Variants in LRRC1 observed in about 807,000 individuals in gnomAD.
LRRC1 encodes leucine rich repeat containing 1, also known as leucine-rich repeat-containing protein 1.
In LRRC1, 28 loss-of-function variants were observed where a neutral mutation model predicts 69.9. That is an observed-to-expected ratio of 0.40 (90% CI 0.30 to 0.55). The LOEUF (loss-of-function observed/expected upper bound fraction) is 0.55. LRRC1 is among the 20% of genes least tolerant of loss of function. The pLI is 0.47. For synonymous variants in LRRC1, 236 were observed against 240.2 expected (o/e 0.98, Z 0.16); for missense variants, 498 against 609.0 (o/e 0.82, Z 1.92).
intron 1 of LRRC1, among the ~76,000 whole-genome samples, chr6:53,833,016 T>C (rs1344668028): frequency 6.6e-6 from 1 of 152,208 alleles, no homozygotes; most frequent in Admixed American, 6.5e-5. Context: ...CTGTGTTTAA[T>C]CATTCCCCTA....
chr6:53,844,126 C>T lies in LRRC1; in HGVS notation c.277+1899C>T, dbSNP rs565614449. ...GGTGGGCATCTGGGGTCTGGCCAGG[C>T]CAGAATTGCCTCAGAAACTAGCCTG... On this transcript the variant is annotated intron_variant, in intron 2 of 13. Coordinates refer to ENST00000370888, the MANE Select transcript of LRRC1 (RefSeq NM_018214.5). Among the ~76,000 whole-genome samples, 6 of 152,160 alleles carry T rather than the reference C, an allele frequency of 3.9e-5. No homozygotes were observed. In the South Asian group the frequency reaches 1.2e-3, roughly 32 times the overall value.
intron 1 of LRRC1, among the ~76,000 whole-genome samples, chr6:53,837,743 G>A (rs908095829): frequency 6.6e-6 from 1 of 152,072 alleles, no homozygotes; most frequent in African/African-American, 2.4e-5. Flanking sequence ...TTTCTAAAAA[G>A]CAGAAGGGAG....
rs187327132 is a variant in LRRC1 at position 53,849,049 on chromosome 6, G to A, written c.277+6822G>A. On this transcript the variant is annotated intron_variant, in intron 2 of 13. Coordinates refer to ENST00000370888, the MANE Select transcript of LRRC1 (RefSeq NM_018214.5). ...TGGGATTACAGGCGTGAGCCACTGC[G>A]CCCGGCCTATGCTTTTTTTTTTTTT... Among the ~76,000 whole-genome samples the A allele has an allele frequency of 4.5e-3, 646 of 144,682 alleles. 6 individuals are homozygous for A. The highest frequency in any genetic ancestry group is 0.015 in the African/African-American group (602 of 39,274). 94.9% of individuals were successfully genotyped at this position (144,682 alleles called of 152,430 possible).
At chr6:53,901,495 G>A (rs9357775) in intron 8 of LRRC1, among the ~76,000 whole-genome samples, 87,519 of 151,600 alleles carry the variant, frequency 0.58, 26,430 homozygotes, top group East Asian at 0.94. Context: ...GCGGTGAGCC[G>A]TGATTGTACC....
At chr6:53,823,034 C>T (rs1484892816) in intron 1 of LRRC1, among the ~76,000 whole-genome samples, 4 of 152,190 alleles carry the variant, frequency 2.6e-5, no homozygotes, top group Non-Finnish European at 5.9e-5. Flanking sequence ...CATCTCCCAA[C>T]TTTAAGCTAT....
intron 2 of LRRC1, among the ~76,000 whole-genome samples, chr6:53,859,969 T>A (rs1554183193): frequency 6.6e-6 from 1 of 152,124 alleles, no homozygotes; most frequent in Non-Finnish European, 1.5e-5. Context: ...AAGAGAAAAC[T>A]GGTGACTGGT....
chr6:53,835,004 G>A (rs1183501526), intron 1 of LRRC1, among the ~76,000 whole-genome samples: 1 of 152,112 alleles, frequency 6.6e-6, no homozygotes, highest in Non-Finnish European at 1.5e-5. Context: ...AAGTATCTGT[G>A]TATCCCCAGC....
At chr6:53,834,620 T>C (rs1765556679) in intron 1 of LRRC1, among the ~76,000 whole-genome samples, 1 of 152,224 alleles carries the variant, frequency 6.6e-6, no homozygotes, top group Non-Finnish European at 1.5e-5. Context: ...CCAGTAAAGT[T>C]GCTGGTCTTC....
chr6:53,881,058 G>A (rs866198121), intron 3 of LRRC1, among the ~76,000 whole-genome samples: 15 of 152,132 alleles, frequency 9.9e-5, no homozygotes, highest in Non-Finnish European at 2.2e-4. Flanking sequence ...GCTTGTGTGA[G>A]GCTTTACTGT....
Position 53,900,002 on chromosome 6 carries a change from C to T in LRRC1, c.787+111C>T, listed in dbSNP as rs868433967. The T allele has an allele frequency of 4.8e-5, 33 of 692,344 alleles. 1 individual carries two copies. In the Middle Eastern group the frequency reaches 9.5e-3, roughly 198 times the overall value. 42.9% of individuals were successfully genotyped at this position (692,344 alleles called of 1,614,324 possible). On this transcript the variant is annotated intron_variant, in intron 8 of 13. Transcript: ENST00000370888. ...ACTTTCAGATGCTGAGGATGTGGCT[C>T]CTTAAAGTCTCCTTACTGTTTTTTT...
intron 9 of LRRC1, among the ~76,000 whole-genome samples, chr6:53,903,659 G>T (rs1768139026): frequency 6.6e-6 from 1 of 152,092 alleles, no homozygotes; most frequent in Non-Finnish European, 1.5e-5. Context: ...GGGACAGCAA[G>T]AAAGGATGGA....
chr6:53,866,562 C>T lies in LRRC1; in HGVS notation c.278-12431C>T, dbSNP rs139182132. On this transcript the variant is annotated intron_variant, in intron 2 of 13. Transcript: ENST00000370888. Reference sequence around the variant, plus strand: ...TATGGATAATCACTGCTGAGAAAAACGCTTCAAACAAGGAGTATTGGGCAC... The same window carrying T: ...TATGGATAATCACTGCTGAGAAAAATGCTTCAAACAAGGAGTATTGGGCAC... Among the ~76,000 whole-genome samples, 603 of 152,212 alleles carry T rather than the reference C, an allele frequency of 4.0e-3. 8 individuals are homozygous for T. The highest frequency in any genetic ancestry group is 0.014 in the African/African-American group (565 of 41,488).
intron 1 of LRRC1, among the ~76,000 whole-genome samples, chr6:53,805,907 G>C (rs1409243608): frequency 6.6e-6 from 1 of 152,326 alleles, no homozygotes; most frequent in East Asian, 1.9e-4. Context: ...CAGTCTGGCG[G>C]CATGCCATGC....
chr6:53,823,221 G>A (rs981580378), intron 1 of LRRC1, among the ~76,000 whole-genome samples: 1 of 152,138 alleles, frequency 6.6e-6, no homozygotes, highest in Non-Finnish European at 1.5e-5. Flanking sequence ...GCTCCTATTA[G>A]TATGGACCAT....
At chr6:53,827,016 T>C (rs1277090967) in intron 1 of LRRC1, among the ~76,000 whole-genome samples, 1 of 152,192 alleles carries the variant, frequency 6.6e-6, no homozygotes, top group Non-Finnish European at 1.5e-5. Flanking sequence ...ACCCACTGTT[T>C]CCAAAACCTG....
chr6:53,824,178 T>C (rs1046407804), intron 1 of LRRC1, among the ~76,000 whole-genome samples: 3 of 152,118 alleles, frequency 2.0e-5, no homozygotes, highest in Non-Finnish European at 4.4e-5. Context: ...TTTTCAATAA[T>C]AGCCATTCTG....
At chr6:53,800,247 CTTTTTTTTTT>C (rs55960000) in intron 1 of LRRC1, among the ~76,000 whole-genome samples, 14 of 89,542 alleles carry the variant, frequency 1.6e-4, no homozygotes, top group African/African-American at 3.1e-4. Flanking sequence ...GTTTCTTTTT[CTTTTTTTTTT>C]TTTTTTTTTT....
At chr6:53,838,878 T>C (rs978851481) in intron 1 of LRRC1, among the ~76,000 whole-genome samples, 2 of 152,214 alleles carry the variant, frequency 1.3e-5, no homozygotes, top group East Asian at 1.9e-4. Context: ...TAAAAAAATA[T>C]GGTTTTTAAA....
rs191430908 is a variant in LRRC1, at chr6:53,873,427, G to C, written c.278-5566G>C. 6.2e-3 allele frequency among the ~76,000 whole-genome samples: 934 copies of C among 151,282 alleles called. 8 individuals carry two copies. Among genetic ancestry groups the C allele is most frequent in the Non-Finnish European group, 0.01 (712 of 67,874 alleles). ...CTGCCTCAGCCTCCCGAATAGCTGG[G>C]ACCACAGGTATCCGCCACCACGCCC... On this transcript the variant is annotated intron_variant, in intron 2 of 13. Transcript: ENST00000370888.
Sources: allele counts gnomAD v4.1 joint callset (sites outside exome capture counted in the v4.1 genomes callset), GRCh38; gene constraint gnomAD v4.1.1; transcripts MANE v1.5; gene names NCBI Gene and HGNC (gene_info 2026-07-23, HGNC 2026-07-21).